The following SPAG16 variants were observed in gnomAD, a reference collection of about 807,000 sequenced individuals.
SPAG16 encodes the protein sperm-associated antigen 16 protein.
In SPAG16, 86 loss-of-function variants were observed where a neutral mutation model predicts 80.4. That is an observed-to-expected ratio of 1.07 (90% CI 0.90 to 1.28). SPAG16 has a LOEUF of 1.28. SPAG16 is among the 50% of genes most tolerant of loss of function. SPAG16 has a pLI of 0.00. For synonymous variants in SPAG16, 294 were observed against 265.9 expected (o/e 1.11, Z -1.03); for missense variants, 870 against 765.3 (o/e 1.14, Z -1.61).
At chr2:213,668,793 T>C (rs1199382665) in intron 10 of SPAG16, among the ~76,000 whole-genome samples, 2 of 151,796 alleles carry the variant, frequency 1.3e-5, no homozygotes, top group Non-Finnish European at 2.9e-5. Context: ...GGATTACAGG[T>C]GTGTGCCACC....
intron 10 of SPAG16, among the ~76,000 whole-genome samples, chr2:213,736,101 A>T (rs368987608): frequency 4.6e-5 from 7 of 152,228 alleles, no homozygotes; most frequent in Admixed American, 2.0e-4. Flanking sequence ...CACTGTGCTT[A>T]CTCTATTCAA....
chr2:213,487,491 A>C (rs1199557662), intron 9 of SPAG16, among the ~76,000 whole-genome samples: 2 of 152,212 alleles, frequency 1.3e-5, no homozygotes, highest in Non-Finnish European at 2.9e-5. Context: ...GTCTCCTGAA[A>C]TATTTCAGCA....
At chr2:213,964,546 C>G (rs544941287) in intron 12 of SPAG16, among the ~76,000 whole-genome samples, 1 of 152,106 alleles carries the variant, frequency 6.6e-6, no homozygotes, top group Admixed American at 6.5e-5. Context: ...TTTGACTATG[C>G]CATATATTGC....
At chr2:213,760,848 T>C (rs1478146456) in intron 10 of SPAG16, among the ~76,000 whole-genome samples, 1 of 152,194 alleles carries the variant, frequency 6.6e-6, no homozygotes, top group Non-Finnish European at 1.5e-5. Flanking sequence ...AGGGACATCC[T>C]ATGGCAGAAG....
intron 15 of SPAG16, among the ~76,000 whole-genome samples, chr2:214,290,112 C>G (rs1693683146): frequency 6.6e-6 from 1 of 151,856 alleles, no homozygotes; most frequent in Non-Finnish European, 1.5e-5. Context: ...TTGGTATGTT[C>G]AGGTTTTTTT....
intron 10 of SPAG16, among the ~76,000 whole-genome samples, chr2:213,491,721 G>C (rs189964499): frequency 8.5e-5 from 13 of 152,268 alleles, no homozygotes; most frequent in African/African-American, 2.6e-4. Flanking sequence ...TGAAAATGTG[G>C]AGAAGAAACA....
Position 213,380,895 on chromosome 2 carries a change from G to A in SPAG16, c.942+5776G>A, listed in dbSNP as rs74855880. Among the ~76,000 whole-genome samples, 1,207 of 152,262 alleles carry A rather than the reference G, an allele frequency of 7.9e-3. 14 individuals are homozygous for A. Among genetic ancestry groups the A allele is most frequent in the African/African-American group, 0.028 (1,159 of 41,538 alleles). On this transcript the variant is annotated intron_variant, in intron 9 of 15. Coordinates refer to ENST00000331683, the MANE Select transcript of SPAG16 (RefSeq NM_024532.5). Reference sequence around the variant, plus strand: ...AAACTGGCAGCCCTTCGGGTCACTCGATAAATGGGCCAGAGTTACCTACCC... The same window carrying A: ...AAACTGGCAGCCCTTCGGGTCACTCAATAAATGGGCCAGAGTTACCTACCC...
intron 15 of SPAG16, among the ~76,000 whole-genome samples, chr2:214,292,869 T>C (rs1693895216): frequency 6.6e-6 from 1 of 152,222 alleles, no homozygotes; most frequent in South Asian, 2.1e-4. Context: ...GGCCTCAATT[T>C]TGAGTGCATG....
At chr2:213,653,108 A>G (rs1030308531) in intron 10 of SPAG16, among the ~76,000 whole-genome samples, 144 of 151,774 alleles carry the variant, frequency 9.5e-4, no homozygotes, top group Non-Finnish European at 1.9e-3. Flanking sequence ...TCACTGGGTC[A>G]AAGAAGTCTT....
chr2:214,183,804 C>T (rs2057381795), intron 15 of SPAG16, among the ~76,000 whole-genome samples: 1 of 151,930 alleles, frequency 6.6e-6, no homozygotes, highest in Non-Finnish European at 1.5e-5. Flanking sequence ...TTTATGAAGA[C>T]CAATGAAAGG....
At chr2:214,014,771 C>T (rs940085154) in intron 13 of SPAG16, among the ~76,000 whole-genome samples, 7 of 152,154 alleles carry the variant, frequency 4.6e-5, no homozygotes, top group Non-Finnish European at 2.9e-5. Context: ...AAACTATTTC[C>T]GAGAGAATTA....
In SPAG16 at chr2:213,503,222, AAT is replaced by A. The variant is rs2074819818; in HGVS notation, c.1070+13137_1070+13138del. ...TTGGGGCAGCTTTGCTCTGATTGAG[AAT>A]ATATGAGTTAAGCAATGGGTGAAGA... On this transcript the variant is annotated intron_variant, in intron 10 of 15. Coordinates refer to ENST00000331683, the MANE Select transcript of SPAG16 (RefSeq NM_024532.5). 2.0e-5 allele frequency among the ~76,000 whole-genome samples: 3 copies of A among 152,234 alleles called. No individual in the cohort carries two copies. The South Asian group carries it at 6.2e-4, about 32-fold the overall frequency.
intron 10 of SPAG16, among the ~76,000 whole-genome samples, chr2:213,797,568 G>A (rs971791891): frequency 6.6e-6 from 1 of 152,118 alleles, no homozygotes; most frequent in African/African-American, 2.4e-5. Context: ...ATATAACCTA[G>A]GTGTGTAGTA....
rs111291564 is a variant in SPAG16 at position 213,516,039 on chromosome 2, A to C, written c.1070+25949A>C. Among the ~76,000 whole-genome samples, 120 of 152,338 alleles carry C rather than the reference A, an allele frequency of 7.9e-4. 2 individuals are homozygous for C. Among genetic ancestry groups the C allele is most frequent in the Middle Eastern group, 3.4e-3 (1 of 294 alleles). ...AAGTTTCCACTGAGACTTGTGTGAT[A>C]TATTGATAAATTATTTAAGTGATGC... On this transcript the variant is annotated intron_variant, in intron 10 of 15. Coordinates refer to ENST00000331683, the MANE Select transcript of SPAG16 (RefSeq NM_024532.5).
chr2:214,235,544 G>A (rs1478834874), intron 15 of SPAG16, among the ~76,000 whole-genome samples: 5 of 152,002 alleles, frequency 3.3e-5, no homozygotes, highest in Admixed American at 6.6e-5. Context: ...ACACCTCCTG[G>A]AACCCTGCAT....
At chr2:214,085,134 G>A (rs548764234) in intron 13 of SPAG16, among the ~76,000 whole-genome samples, 8 of 152,254 alleles carry the variant, frequency 5.3e-5, no homozygotes, top group African/African-American at 1.7e-4. Context: ...TAAAGTCAAA[G>A]TTGCGTAAAG....
intron 15 of SPAG16, among the ~76,000 whole-genome samples, chr2:214,216,084 T>G (rs746941293): frequency 1.3e-5 from 2 of 152,188 alleles, no homozygotes; most frequent in Non-Finnish European, 2.9e-5. Context: ...ACAATAAAAT[T>G]AGCCAAGTTT....
chr2:214,054,728 T>C (rs1190119336), intron 13 of SPAG16, among the ~76,000 whole-genome samples: 1 of 152,224 alleles, frequency 6.6e-6, no homozygotes, highest in Non-Finnish European at 1.5e-5. Context: ...GCTTATATAG[T>C]TACATATATC....
At chr2:213,626,757 G>C (rs1054453454) in intron 10 of SPAG16, among the ~76,000 whole-genome samples, 2 of 144,862 alleles carry the variant, frequency 1.4e-5, no homozygotes, top group Non-Finnish European at 3.0e-5. Context: ...AAGCAATTCT[G>C]CTGCCTCAGC....
Sources: gnomAD v4.1 joint callset for allele counts (sites outside exome capture counted in the v4.1 genomes callset) on GRCh38, gnomAD v4.1.1 for gene constraint, MANE v1.5 for transcripts, NCBI Gene and HGNC (gene_info 2026-07-23, HGNC 2026-07-21) for gene names.